Variants in CPSF2 observed in about 807,000 individuals in gnomAD.
The protein encoded by CPSF2 is cleavage and polyadenylation specific factor 2.
Under a neutral mutation model 84.2 loss-of-function variants are expected in CPSF2, and 51 were observed. The observed-to-expected ratio is 0.61, with a 90% CI of 0.48 to 0.77. The LOEUF (loss-of-function observed/expected upper bound fraction) is 0.77. Among genes scored for constraint, CPSF2 ranks in the 30% least tolerant of loss-of-function variants. CPSF2 has a pLI of 0.00. For synonymous variants in CPSF2, 286 were observed against 311.9 expected (o/e 0.92, Z 0.87); for missense variants, 641 against 929.4 (o/e 0.69, Z 4.03).
At chr14:92,147,502 AAAAT>A (rs1421458704) in intron 9 of CPSF2, among the ~76,000 whole-genome samples, 1 of 152,202 alleles carries the variant, frequency 6.6e-6, no homozygotes, top group Non-Finnish European at 1.5e-5. Context: ...TTTTAAATGA[AAAAT>A]AAGATGGAGA....
chr14:92,156,902 A>C (rs1264418433), intron 12 of CPSF2, among the ~76,000 whole-genome samples: 4 of 152,112 alleles, frequency 2.6e-5, no homozygotes, highest in Non-Finnish European at 5.9e-5. Context: ...TATGAAGAAA[A>C]ATTATTTTTG....
Position 92,167,811 on chromosome 14 carries a change from T to C in CPSF2, c.*6067T>C, listed in dbSNP as rs2069468430. On this transcript the variant is annotated 3_prime_UTR_variant, in exon 16 of 16. Coordinates refer to ENST00000298875, the MANE Select transcript of CPSF2 (RefSeq NM_017437.3). The stretch of plus-strand genomic sequence containing the variant: ...GAGTTTTATCAGAAGATTATTGTCC[T>C]TTAAAATATTGATGGACTGATTATC... The C allele has an allele frequency of 6.6e-6, 1 of 152,108 alleles. No individual in the cohort carries two copies. The allele number at this position is 152,108 out of a possible 1,614,324, so 9.4% of individuals were successfully genotyped here. A position where few individuals can be genotyped will look rare whatever the true frequency, so the allele number is the denominator to read the frequency against.
At chr14:92,154,556 G>GT (rs1427620995) in intron 10 of CPSF2, 98 bp downstream of exon 10, 1 of 825,988 alleles carries the variant, frequency 1.2e-6, no homozygotes, top group Non-Finnish European at 1.8e-6. Flanking sequence ...TTAAATTTTC[G>GT]TAAGACTTAA....
At chr14:92,126,739 G>C (rs2068850244) in intron 2 of CPSF2, among the ~76,000 whole-genome samples, 1 of 152,174 alleles carries the variant, frequency 6.6e-6, no homozygotes, top group Non-Finnish European at 1.5e-5. Flanking sequence ...GGAGGTTGAA[G>C]CTGCAAATGA....
chr14:92,134,894 A>C (rs1239034563), intron 5 of CPSF2, among the ~76,000 whole-genome samples: 2 of 152,208 alleles, frequency 1.3e-5, no homozygotes, highest in Non-Finnish European at 2.9e-5. Context: ...TGGACTCTGA[A>C]GATTTAGCCC....
chr14:92,169,407 T>G lies in CPSF2; in HGVS notation c.*7663T>G, dbSNP rs1194574445. 1 of 146,820 alleles carries G rather than the reference T, an allele frequency of 6.8e-6. No individual in the cohort carries two copies. Among genetic ancestry groups the G allele is most frequent in the Non-Finnish European group, 1.5e-5 (1 of 66,724 alleles). The allele number at this position is 146,820 out of a possible 1,614,324, so 9.1% of individuals were successfully genotyped here. On this transcript the variant is annotated 3_prime_UTR_variant, in exon 16 of 16. Coordinates refer to ENST00000298875, the MANE Select transcript of CPSF2 (RefSeq NM_017437.3). Reference sequence around the variant, plus strand: ...TGATTTTTTAATTTTACATTAACTATTTAATATCAGACTATAACTAAAATA... The same window carrying G: ...TGATTTTTTAATTTTACATTAACTAGTTAATATCAGACTATAACTAAAATA...
chr14:92,142,386 C>G (rs1265187911), intron 8 of CPSF2, 35 bp downstream of exon 8: 2 of 1,542,122 alleles, frequency 1.3e-6, no homozygotes, highest in Non-Finnish European at 1.8e-6. Context: ...AATAAGTTTG[C>G]TACAGTGATT....
chr14:92,162,979 C>A lies in CPSF2; in HGVS notation c.*1235C>A, dbSNP rs1286181750. ...AGTGCAGTGGTGAGATTTTGGCTCA[C>A]TATAACCTCTTCCTCCAGGGTTCAA... On this transcript the variant is annotated 3_prime_UTR_variant, in exon 16 of 16. Transcript: ENST00000298875. The A allele has an allele frequency of 6.6e-6, 1 of 152,152 alleles. No homozygotes were observed. 9.4% of individuals were successfully genotyped at this position (152,152 alleles called of 1,614,324 possible).
chr14:92,134,705 T>G (rs547598650), intron 5 of CPSF2, among the ~76,000 whole-genome samples: 1 of 152,282 alleles, frequency 6.6e-6, no homozygotes, highest in South Asian at 2.1e-4. Flanking sequence ...AATGTAGTGA[T>G]TGGGGTAAAT....
chr14:92,160,636 C>T (rs2069359619), intron 14 of CPSF2, among the ~76,000 whole-genome samples: 6 of 152,216 alleles, frequency 3.9e-5, no homozygotes, highest in Admixed American at 3.9e-4. Flanking sequence ...TAGGCAAGAA[C>T]CACTTTCGTT....
At chr14:92,131,777 T>G (rs1375289245) in intron 3 of CPSF2, among the ~76,000 whole-genome samples, 1 of 151,688 alleles carries the variant, frequency 6.6e-6, no homozygotes, top group Non-Finnish European at 1.5e-5. Flanking sequence ...AGGCAGAGAT[T>G]GCACTGAGCC....
At chr14:92,150,276 A>G (rs921200831) in intron 9 of CPSF2, among the ~76,000 whole-genome samples, 3 of 151,558 alleles carry the variant, frequency 2.0e-5, no homozygotes, top group African/African-American at 7.3e-5. Flanking sequence ...CACGTTGCCC[A>G]GCTAATTTTT....
At chr14:92,146,839 T>A (rs2069150662) in intron 9 of CPSF2, among the ~76,000 whole-genome samples, 1 of 152,210 alleles carries the variant, frequency 6.6e-6, no homozygotes, top group African/African-American at 2.4e-5. Flanking sequence ...CTTATTCCAC[T>A]TTCTCTATGC....
At chr14:92,134,722 C>T (rs1567018274) in intron 5 of CPSF2, among the ~76,000 whole-genome samples, 1 of 152,122 alleles carries the variant, frequency 6.6e-6, no homozygotes, top group Non-Finnish European at 1.5e-5. Flanking sequence ...AAATGAAGTG[C>T]TATGGCAGCA....
intron 7 of CPSF2, among the ~76,000 whole-genome samples, chr14:92,139,334 G>A (rs568803275): frequency 5.9e-4 from 90 of 151,648 alleles, no homozygotes; most frequent in African/African-American, 2.1e-3. Context: ...GGAGAATGGC[G>A]TAAACCCGGA....
intron 8 of CPSF2, 49 bp from the exon 9 acceptor site, chr14:92,142,955 A>G: frequency 7.0e-7 from 1 of 1,419,522 alleles, no homozygotes; most frequent in Non-Finnish European, 9.7e-7. Flanking sequence ...AATATATTGA[A>G]GTTATAATAT....
rs777051583 is a variant in CPSF2, at chr14:92,142,995, C to T, written c.850-9C>T. Reference sequence around the variant, plus strand: ...TTTCTAATTCTTGTCATCTTTCCCCCCATGTTAGGTAGAATGGATGAGTGA... The same window carrying T: ...TTTCTAATTCTTGTCATCTTTCCCCTCATGTTAGGTAGAATGGATGAGTGA... On this transcript the variant is annotated splice_polypyrimidine_tract_variant and intron_variant, in intron 8 of 15. Coordinates refer to ENST00000298875, the MANE Select transcript of CPSF2 (RefSeq NM_017437.3). 8.2e-6 allele frequency: 13 copies of T among 1,588,474 alleles called. No individual in the cohort carries two copies. The East Asian group carries it at 2.9e-4, about 36-fold the overall frequency.
In CPSF2 at chr14:92,157,682, A is replaced by G; in HGVS notation, c.1619A>G (p.Tyr540Cys). ...EIKARVTYID[Y>C]EGRSDGDSIK... is the part of the protein sequence containing the mutation. ...AGAGCCCGGGTTACCTACATAGACT[A>G]TGAAGGACGCTCTGATGGGGATTCC... The change falls in exon 13 of 16, where the codon TAT (tyrosine) becomes TGT (cysteine). Residue 540 changes from tyrosine (Y) to cysteine (C), a missense_variant. Transcript: ENST00000298875. The surrounding 1 kb of genome is among the most constrained non-coding windows in gnomAD (Gnocchi z 4.0). 6.2e-7 allele frequency: 1 copy of G among 1,613,864 alleles called. No homozygotes were observed. Among genetic ancestry groups the G allele is most frequent in the Non-Finnish European group, 8.5e-7 (1 of 1,179,764 alleles).
rs1354656894 is a variant in CPSF2 at position 92,162,626 on chromosome 14, G to T, written c.*882G>T. The T allele has an allele frequency of 6.6e-6, 1 of 152,098 alleles. No homozygotes were observed. The highest frequency in any genetic ancestry group is 2.4e-5 in the African/African-American group (1 of 41,404). The allele number at this position is 152,098 out of a possible 1,614,324, so 9.4% of individuals were successfully genotyped here. ...GTAAATGTTTTCATCTCTTAGGCTT[G>T]CTGTCTCCTAAGGTCACCCAAGCAG... On this transcript the variant is annotated 3_prime_UTR_variant, in exon 16 of 16. Coordinates refer to ENST00000298875, the MANE Select transcript of CPSF2 (RefSeq NM_017437.3).
Sources: allele counts gnomAD v4.1 joint callset (sites outside exome capture counted in the v4.1 genomes callset), GRCh38; gene constraint gnomAD v4.1.1; non-coding constraint Gnocchi (gnomAD v3.1); transcripts MANE v1.5; gene names NCBI Gene and HGNC (gene_info 2026-07-23, HGNC 2026-07-21).